NAALADL2: variants seen among roughly 807,000 people sequenced by gnomAD.
NAALADL2 encodes the protein inactive N-acetylated-alpha-linked acidic dipeptidase-like protein 2.
In NAALADL2, 76 loss-of-function variants were observed where a neutral mutation model predicts 87.2. The observed-to-expected ratio is 0.87, with a 90% CI of 0.72 to 1.05. The LOEUF (loss-of-function observed/expected upper bound fraction) is 1.05. NAALADL2 is among the 50% of genes least tolerant of loss of function. The pLI is 0.00. For missense variants in NAALADL2, 1,089 were observed against 945.8 expected, an observed-to-expected ratio of 1.15 and a Z score of -1.99; for synonymous variants, 354 against 331.0, an observed-to-expected ratio of 1.07 and a Z score of -0.75.
intron 1 of NAALADL2, among the ~76,000 whole-genome samples, chr3:174,935,375 G>A (rs143028152): frequency 2.6e-5 from 4 of 152,116 alleles, no homozygotes; most frequent in Non-Finnish European, 5.9e-5. Flanking sequence ...CCTGGTTCAT[G>A]TATCTTTGAT....
At chr3:174,892,928 A>G (rs1160394175) in intron 1 of NAALADL2, among the ~76,000 whole-genome samples, 1 of 151,842 alleles carries the variant, frequency 6.6e-6, no homozygotes, top group Admixed American at 6.6e-5. Flanking sequence ...ACTCAAAAAA[A>G]AAAAAAAAAA....
chr3:175,328,471 G>C (rs1761012068), intron 5 of NAALADL2, among the ~76,000 whole-genome samples: 1 of 151,802 alleles, frequency 6.6e-6, no homozygotes, highest in South Asian at 2.1e-4. Flanking sequence ...GGGAGGCAGA[G>C]AGTGTTTCGT....
chr3:174,509,614 G>C (rs1177514086), intron 1 of NAALADL2, among the ~76,000 whole-genome samples: 5 of 118,910 alleles, frequency 4.2e-5, no homozygotes, highest in Admixed American at 1.0e-4. Context: ...TTTTAGTAGA[G>C]ACGGGGTTTC....
chr3:174,466,872 C>G (rs952558011), intron 1 of NAALADL2, among the ~76,000 whole-genome samples: 1 of 152,156 alleles, frequency 6.6e-6, no homozygotes, highest in African/African-American at 2.4e-5. Flanking sequence ...ATAAATGTTA[C>G]TGTTATAGGT....
intron 9 of NAALADL2, among the ~76,000 whole-genome samples, chr3:175,532,261 C>A (rs1047199236): frequency 6.6e-6 from 1 of 152,314 alleles, no homozygotes; most frequent in South Asian, 2.1e-4. Context: ...CAGCTCAGAG[C>A]CAATGTCCAG....
chr3:175,096,736 G>A (rs904656571), intron 1 of NAALADL2, 54 bp from the exon 2 acceptor site: 1 of 1,225,854 alleles, frequency 8.2e-7, no homozygotes, highest in East Asian at 2.6e-5. Context: ...CACTTTGTTA[G>A]TTTTTTTAAT....
intron 5 of NAALADL2, among the ~76,000 whole-genome samples, chr3:175,413,573 A>AAAC (rs1316698888): frequency 6.6e-6 from 1 of 151,252 alleles, no homozygotes; most frequent in East Asian, 2.0e-4. Flanking sequence ...CCATCAAAAA[A>AAAC]AAAAAAAAAA....
At chr3:175,467,843 G>A (rs1200595779) in intron 8 of NAALADL2, among the ~76,000 whole-genome samples, 3 of 152,046 alleles carry the variant, frequency 2.0e-5, no homozygotes, top group African/African-American at 7.2e-5. Context: ...AAACTCTTCT[G>A]ACAGACCTGG....
Position 175,563,095 on chromosome 3 carries a change from C to T in NAALADL2, c.1654-12946C>T, listed in dbSNP as rs146383064. Among the ~76,000 whole-genome samples, 992 of 152,004 alleles carry T rather than the reference C, an allele frequency of 6.5e-3. 10 individuals carry two copies. The highest frequency in any genetic ancestry group is 0.023 in the African/African-American group (938 of 41,470). On this transcript the variant is annotated intron_variant, in intron 9 of 13. Coordinates refer to ENST00000454872, the MANE Select transcript of NAALADL2 (RefSeq NM_207015.3). Reference sequence around the variant, plus strand: ...AACTTGGCATTATTTAATTTATTCTCTTTAGTCTTCTAATATTATGAACAT... The same window carrying T: ...AACTTGGCATTATTTAATTTATTCTTTTTAGTCTTCTAATATTATGAACAT...
At chr3:175,038,491 G>A (rs1435036916) in intron 1 of NAALADL2, among the ~76,000 whole-genome samples, 1 of 152,084 alleles carries the variant, frequency 6.6e-6, no homozygotes, top group East Asian at 1.9e-4. Context: ...GTAAAATTGT[G>A]TATGCTTAAA....
intron 1 of NAALADL2, among the ~76,000 whole-genome samples, chr3:174,894,680 A>G (rs1309135608): frequency 6.6e-6 from 1 of 150,892 alleles, no homozygotes; most frequent in African/African-American, 2.4e-5. Context: ...TGCAGTATAG[A>G]CAACATAGAT....
intron 2 of NAALADL2, among the ~76,000 whole-genome samples, chr3:174,669,266 T>TA: frequency 6.6e-6 from 1 of 151,710 alleles, no homozygotes; most frequent in South Asian, 2.1e-4. Context: ...TTGATGGGGT[T>TA]TTTTTTTCTT....
chr3:175,688,174 A>G (rs1736570332), intron 11 of NAALADL2, among the ~76,000 whole-genome samples: 1 of 152,160 alleles, frequency 6.6e-6, no homozygotes, highest in Non-Finnish European at 1.5e-5. Context: ...TGACATTATT[A>G]CAATGACTCC....
intron 2 of NAALADL2, among the ~76,000 whole-genome samples, chr3:175,136,932 AAAG>A (rs1233942613): frequency 6.6e-6 from 1 of 152,180 alleles, no homozygotes; most frequent in East Asian, 1.9e-4. Context: ...TTTTGGGAAA[AAAG>A]AAGTACATAC....
chr3:174,939,100 G>A (rs1281521531), intron 1 of NAALADL2, among the ~76,000 whole-genome samples: 3 of 152,036 alleles, frequency 2.0e-5, no homozygotes, highest in Non-Finnish European at 4.4e-5. Flanking sequence ...TATCCAGGAT[G>A]GTATTGCCTA....
At chr3:175,050,102 G>C (rs570259987) in intron 1 of NAALADL2, among the ~76,000 whole-genome samples, 7 of 151,992 alleles carry the variant, frequency 4.6e-5, no homozygotes, top group Non-Finnish European at 1.0e-4. Flanking sequence ...AAGCATGGTT[G>C]TGTGTGTGTG....
At chr3:175,649,543 CAGGAGGGT>C (rs1325950941) in intron 11 of NAALADL2, among the ~76,000 whole-genome samples, 1 of 152,060 alleles carries the variant, frequency 6.6e-6, no homozygotes, top group Non-Finnish European at 1.5e-5. Flanking sequence ...TTCAAGGTGC[CAGGAGGGT>C]TGGTATCTGG....
intron 2 of NAALADL2, among the ~76,000 whole-genome samples, chr3:175,104,009 C>A (rs1387131122): frequency 6.6e-6 from 1 of 152,170 alleles, no homozygotes; most frequent in South Asian, 2.1e-4. Context: ...ACCTGGGCTG[C>A]TTTCCTGTCC....
At chr3:175,247,844 A>G (rs1748268316) in intron 3 of NAALADL2, among the ~76,000 whole-genome samples, 2 of 152,210 alleles carry the variant, frequency 1.3e-5, no homozygotes, top group Non-Finnish European at 2.9e-5. Flanking sequence ...TATGTAGGGC[A>G]TAACAGGCCA....
Sources: gnomAD v4.1 joint callset for allele counts (sites outside exome capture counted in the v4.1 genomes callset) on GRCh38, gnomAD v4.1.1 for gene constraint, MANE v1.5 for transcripts, NCBI Gene and HGNC (gene_info 2026-07-23, HGNC 2026-07-21) for gene names.